ASIC2: variants seen among roughly 807,000 people sequenced by gnomAD.
ASIC2 encodes acid-sensing ion channel 2.
Under a neutral mutation model 57.3 loss-of-function variants are expected in ASIC2, and 25 were observed. The observed-to-expected ratio is 0.44, with a 90% confidence interval of 0.32 to 0.61. The LOEUF is 0.61. Among genes scored for constraint, ASIC2 ranks in the 20% least tolerant of loss-of-function variants. ASIC2 has a pLI of 0.06. For missense variants in ASIC2, 641 were observed against 738.1 expected (o/e 0.87, Z 1.52); for synonymous variants, 319 against 307.5 (o/e 1.04, Z -0.39).
At chr17:33,477,782 G>C (rs765147145) in intron 1 of ASIC2, among the ~76,000 whole-genome samples, 47 of 152,282 alleles carry the variant, frequency 3.1e-4, no homozygotes, top group Non-Finnish European at 5.9e-4. Context: ...TAGGCTTCCT[G>C]CTGGAAGCTG....
chr17:33,177,487 A>G (rs941281254), intron 1 of ASIC2, among the ~76,000 whole-genome samples: 6 of 152,192 alleles, frequency 3.9e-5, no homozygotes, highest in Admixed American at 3.9e-4. Context: ...ACAAGTCACA[A>G]TTGGTGGACA....
intron 1 of ASIC2, among the ~76,000 whole-genome samples, chr17:33,957,137 T>A (rs1904760916): frequency 6.6e-6 from 1 of 152,240 alleles, no homozygotes; most frequent in Admixed American, 6.5e-5. Flanking sequence ...ACACAACTTC[T>A]ACCATGCCCC....
At chr17:33,443,641 C>A (rs890737379) in intron 1 of ASIC2, among the ~76,000 whole-genome samples, 1 of 151,260 alleles carries the variant, frequency 6.6e-6, no homozygotes, top group East Asian at 1.9e-4. Flanking sequence ...TGGTCTCGAT[C>A]TCCTGACCTC....
At chr17:34,038,301 A>G in intron 1 of ASIC2, 4 of 1,610,346 alleles carry the variant, frequency 2.5e-6, no homozygotes, top group Admixed American at 1.7e-5. Flanking sequence ...TTTCCCTCAC[A>G]GTATTCTAAT....
chr17:33,618,419 C>T (rs1905675087), intron 1 of ASIC2, among the ~76,000 whole-genome samples: 1 of 152,084 alleles, frequency 6.6e-6, no homozygotes, highest in Non-Finnish European at 1.5e-5. Context: ...ACCTCAGCTG[C>T]TCATTCTGGA....
Position 33,021,379 on chromosome 17 carries a change from G to A in ASIC2, c.1350-69C>T, listed in dbSNP as rs1368647122. 5.5e-6 allele frequency: 7 copies of A among 1,266,422 alleles called. No individual in the cohort carries two copies. In the East Asian group the frequency reaches 1.5e-4, roughly 27 times the overall value. The allele number at this position is 1,266,422 out of a possible 1,614,324, so 78.4% of individuals were successfully genotyped here. ...GCATTCACAGGGAGCATCTAATACAGCTTTCCCATGGAAAGATGGAGAAAA... is the reference window on the plus strand; with the variant it reads ...GCATTCACAGGGAGCATCTAATACAACTTTCCCATGGAAAGATGGAGAAAA... On this transcript the variant is annotated intron_variant, in intron 6 of 9. Transcript: ENST00000225823.
chr17:33,690,743 GTTTTTTTTTTTTTTT>G (rs527881591), intron 1 of ASIC2, among the ~76,000 whole-genome samples: 1 of 81,676 alleles, frequency 1.2e-5, no homozygotes, highest in African/African-American at 5.4e-5. Context: ...ACTCTTCATT[GTTTTTTTTTTTTTTT>G]TTTTTTTTTG....
intron 1 of ASIC2, among the ~76,000 whole-genome samples, chr17:34,139,750 A>AG (rs973010907): frequency 1.9e-3 from 288 of 151,478 alleles, no homozygotes; most frequent in Admixed American, 2.2e-3. Flanking sequence ...CTAGAACTGG[A>AG]GGGGGGGGGA....
chr17:33,883,188 T>C (rs1409408409), intron 1 of ASIC2, among the ~76,000 whole-genome samples: 1 of 152,160 alleles, frequency 6.6e-6, no homozygotes, highest in African/African-American at 2.4e-5. Context: ...GGCACATGTA[T>C]ACATATGTAA....
At chr17:33,918,718 G>A (rs1298096438) in intron 1 of ASIC2, among the ~76,000 whole-genome samples, 1 of 152,202 alleles carries the variant, frequency 6.6e-6, no homozygotes, top group African/African-American at 2.4e-5. Flanking sequence ...AGCTGTTAAG[G>A]AAACAGGATT....
intron 1 of ASIC2, among the ~76,000 whole-genome samples, chr17:34,033,726 C>A (rs1211694258): frequency 6.6e-6 from 1 of 152,154 alleles, no homozygotes; most frequent in Non-Finnish European, 1.5e-5. Context: ...TCAGAGAATA[C>A]TACAAACACC....
intron 1 of ASIC2, among the ~76,000 whole-genome samples, chr17:33,657,542 C>T (rs774899131): frequency 3.3e-5 from 5 of 151,960 alleles, no homozygotes; most frequent in South Asian, 2.1e-4. Context: ...AGTTCTGTAT[C>T]GTGATGGGAA....
intron 1 of ASIC2, among the ~76,000 whole-genome samples, chr17:34,088,155 T>G (rs1910181110): frequency 6.6e-6 from 1 of 152,222 alleles, no homozygotes; most frequent in Non-Finnish European, 1.5e-5. Flanking sequence ...TCTGTATTTT[T>G]CCCCATCTTT....
chr17:33,204,124 A>G (rs1906974840), intron 1 of ASIC2, among the ~76,000 whole-genome samples: 1 of 152,202 alleles, frequency 6.6e-6, no homozygotes, highest in African/African-American at 2.4e-5. Context: ...GCTTTCAGAG[A>G]GACCTGCACT....
At chr17:34,077,528 T>C (rs1466174242) in intron 1 of ASIC2, among the ~76,000 whole-genome samples, 1 of 152,208 alleles carries the variant, frequency 6.6e-6, no homozygotes, top group East Asian at 1.9e-4. Flanking sequence ...CTGCTCTTCC[T>C]GGAAACGGTT....
At chr17:33,531,724 A>G (rs12946651) in intron 1 of ASIC2, among the ~76,000 whole-genome samples, 5,104 of 152,212 alleles carry the variant, frequency 0.034, 250 homozygotes, top group African/African-American at 0.1. Context: ...TCTTTCCTCC[A>G]TCCTCTACGT....
At chr17:33,693,426 A>G (rs8071154) in intron 1 of ASIC2, among the ~76,000 whole-genome samples, 3,701 of 152,228 alleles carry the variant, frequency 0.024, 135 homozygotes, top group African/African-American at 0.085. Flanking sequence ...CACACCTCTG[A>G]TAGGAACATC....
Position 33,074,931 on chromosome 17 carries a change from G to A in ASIC2, c.987+13932C>T, listed in dbSNP as rs185219991. On this transcript the variant is annotated intron_variant, in intron 3 of 9. Coordinates refer to ENST00000225823, the MANE Select transcript of ASIC2 (RefSeq NM_183377.2). ...ATGAACTATGATGGCATGCAAAGAT[G>A]GATGTTACAGAGGCCTCCTCATGAC... Among the ~76,000 whole-genome samples the A allele has an allele frequency of 1.1e-4, 17 of 152,292 alleles. No homozygotes were observed. The East Asian group carries it at 2.9e-3, about 26-fold the overall frequency.
intron 1 of ASIC2, among the ~76,000 whole-genome samples, chr17:33,746,099 C>T (rs1031476773): frequency 6.6e-6 from 1 of 151,238 alleles, no homozygotes; most frequent in African/African-American, 2.4e-5. Flanking sequence ...TTTGAATTCA[C>T]AGAAACAAGT....
Sources: allele counts gnomAD v4.1 joint callset (sites outside exome capture counted in the v4.1 genomes callset), GRCh38; gene constraint gnomAD v4.1.1; transcripts MANE v1.5; gene names NCBI Gene and HGNC (gene_info 2026-07-23, HGNC 2026-07-21).